Variants in GCNT2 observed in about 807,000 individuals in gnomAD.
GCNT2 encodes glucosaminyl (N-acetyl) transferase 2 (I blood group).
GCNT2 carries 34 observed loss-of-function variants against 34.2 expected under a neutral mutation model. The observed-to-expected ratio is 1.00, with a 90% CI of 0.76 to 1.32. The LOEUF (loss-of-function observed/expected upper bound fraction) is 1.32, where lower values mean the gene tolerates loss of function less well. GCNT2 is among the 40% of genes most tolerant of loss of function. The pLI is 0.00. For missense variants in GCNT2, 584 were observed against 489.4 expected, an observed-to-expected ratio of 1.19 and a Z score of -1.82; for synonymous variants, 212 against 188.0, an observed-to-expected ratio of 1.13 and a Z score of -1.04.
intron 3 of GCNT2, chr6:10,574,868 C>T (rs1039611774): frequency 2.9e-6 from 2 of 695,912 alleles, no homozygotes; most frequent in Non-Finnish European, 5.4e-6. Flanking sequence ...GCACCTTTCT[C>T]TTTGTCTTCT....
intron 3 of GCNT2, among the ~76,000 whole-genome samples, chr6:10,611,217 G>A (rs561448943): frequency 6.9e-6 from 1 of 145,608 alleles, no homozygotes; most frequent in African/African-American, 2.5e-5. Context: ...GGAGAGCCAT[G>A]TCTATTTGAA....
At chr6:10,612,147 C>T (rs921802098) in intron 3 of GCNT2, among the ~76,000 whole-genome samples, 20 of 151,962 alleles carry the variant, frequency 1.3e-4, no homozygotes, top group Non-Finnish European at 1.9e-4. Flanking sequence ...CCACCACGCC[C>T]GGCTAATTTT....
At chr6:10,540,917 G>C (rs1327340815) in intron 3 of GCNT2, among the ~76,000 whole-genome samples, 1 of 152,084 alleles carries the variant, frequency 6.6e-6, no homozygotes, top group African/African-American at 2.4e-5. Flanking sequence ...TTGGGAGTGT[G>C]GTCTGCCTTT....
chr6:10,584,294 T>C (rs1214842999), intron 3 of GCNT2, among the ~76,000 whole-genome samples: 1 of 152,212 alleles, frequency 6.6e-6, no homozygotes, highest in African/African-American at 2.4e-5. Flanking sequence ...TATTTAACTT[T>C]ACATAAACAT....
chr6:10,556,350 A>T, intron 3 of GCNT2: 1 of 1,605,336 alleles, frequency 6.2e-7, no homozygotes, highest in African/African-American at 1.3e-5. Flanking sequence ...ATAAGAACTC[A>T]GAGAAACGAG....
chr6:10,580,456 T>G (rs1434379356), intron 3 of GCNT2, among the ~76,000 whole-genome samples: 4 of 152,178 alleles, frequency 2.6e-5, no homozygotes, highest in African/African-American at 7.2e-5. Flanking sequence ...GTGTGATGAT[T>G]ATTTTGGTTG....
rs971238737 is a variant in GCNT2, at chr6:10,627,707, T to C, written c.*1100T>C. On this transcript the variant is annotated 3_prime_UTR_variant, in exon 5 of 5. Transcript: ENST00000495262. ...AAAGGAAACATAAGAGCTTTTTCAC[T>C]CTAAAAATCTTGGCAATAATGTCAA... The C allele has an allele frequency of 6.6e-6, 1 of 152,186 alleles. No individual in the cohort carries two copies. Among genetic ancestry groups the C allele is most frequent in the African/African-American group, 2.4e-5 (1 of 41,432 alleles). The allele number at this position is 152,186 out of a possible 1,614,324, so 9.4% of individuals were successfully genotyped here.
At chr6:10,570,334 T>C (rs956869381) in intron 3 of GCNT2, among the ~76,000 whole-genome samples, 4 of 152,232 alleles carry the variant, frequency 2.6e-5, no homozygotes, top group Non-Finnish European at 5.9e-5. Context: ...ACCACATTTC[T>C]GGAGAATGGA....
At chr6:10,610,600 G>C (rs1765507526) in intron 3 of GCNT2, among the ~76,000 whole-genome samples, 1 of 152,110 alleles carries the variant, frequency 6.6e-6, no homozygotes, top group Non-Finnish European at 1.5e-5. Context: ...AAGGCATTTA[G>C]GCTGCTACTG....
At chr6:10,535,984 A>G (rs1361163097) in intron 3 of GCNT2, among the ~76,000 whole-genome samples, 2 of 152,148 alleles carry the variant, frequency 1.3e-5, no homozygotes, top group Non-Finnish European at 2.9e-5. Context: ...TATTTCCTGT[A>G]GAGTCCATAC....
intron 2 of GCNT2, among the ~76,000 whole-genome samples, chr6:10,527,873 A>G (rs1761276220): frequency 6.6e-6 from 1 of 152,094 alleles, no homozygotes; most frequent in African/African-American, 2.4e-5. Flanking sequence ...TTTTTTACAG[A>G]TTAAAAAAAA....
chr6:10,580,732 C>T (rs1352137478), intron 3 of GCNT2, among the ~76,000 whole-genome samples: 2 of 152,176 alleles, frequency 1.3e-5, no homozygotes, highest in Non-Finnish European at 2.9e-5. Flanking sequence ...CCGGCATCTG[C>T]CTCAGCCTTT....
chr6:10,573,238 G>A (rs1313401442), intron 3 of GCNT2: 26 of 984,496 alleles, frequency 2.6e-5, no homozygotes, highest in South Asian at 4.7e-5. Context: ...CCTCGGATGC[G>A]ACATTCGGAA....
intron 3 of GCNT2, among the ~76,000 whole-genome samples, chr6:10,604,069 T>G (rs951112665): frequency 6.6e-6 from 1 of 151,926 alleles, no homozygotes; most frequent in Non-Finnish European, 1.5e-5. Context: ...CTAATTTTTT[T>G]GTATTTTAGT....
intron 3 of GCNT2, chr6:10,586,927 T>A (rs1372063566): frequency 6.3e-7 from 1 of 1,579,750 alleles, no homozygotes; most frequent in South Asian, 1.1e-5. Context: ...AGGTACTAAT[T>A]TCCATTCTGA....
At position 10,554,994 on chromosome 6, in the gene GCNT2, A is replaced by G. The variant is rs147014595; in HGVS notation, c.925+25158A>G. Among the ~76,000 whole-genome samples, 1,091 of 152,346 alleles carry G rather than the reference A, an allele frequency of 7.2e-3. 7 individuals are homozygous for G. Among genetic ancestry groups the G allele is most frequent in the South Asian group, 0.023 (112 of 4,830 alleles). On this transcript the variant is annotated intron_variant, in intron 3 of 4. Coordinates refer to ENST00000495262, the MANE Select transcript of GCNT2 (RefSeq NM_145649.5). ...TGCCCCTGAATCCCAGGAGGGTAGC[A>G]CTTGCTTTCCTGCCCATTGTGAAGG... is the stretch of plus-strand genomic sequence containing the variant.
At position 10,593,864 on chromosome 6, in the gene GCNT2, G is replaced by A. The variant is rs140096291; in HGVS notation, c.926-27487G>A. The stretch of plus-strand genomic sequence containing the variant: ...TCTCCTTCCATCCTCCTTTGTTTGA[G>A]CCCACATGCTATCAGGTAAACGACT... On this transcript the variant is annotated intron_variant, in intron 3 of 4. Transcript: ENST00000495262. Among the ~76,000 whole-genome samples the A allele has an allele frequency of 5.3e-5, 8 of 152,122 alleles. No individual in the cohort carries two copies. In the East Asian group the frequency reaches 1.5e-3, roughly 29 times the overall value.
rs1286019639 is a variant in GCNT2, at chr6:10,529,010, T to G, written c.99T>G (p.Arg33=). The change falls in exon 3 of 5, where the codon CGT becomes CGG. Residue 33 remains arginine, a synonymous_variant. Transcript: ENST00000495262. ...VYNTELWENK[R]FLRAALSNAS... is the part of the protein sequence containing the mutation. ...ATACTGAGTTATGGGAGAATAAACG[T>G]TTTCTGAGGGCAGCTCTGTCCAATG... 1.2e-6 allele frequency: 2 copies of G among 1,614,038 alleles called. No homozygotes were observed. Among genetic ancestry groups the G allele is most frequent in the East Asian group, 2.2e-5 (1 of 44,880 alleles).
intron 3 of GCNT2, among the ~76,000 whole-genome samples, chr6:10,594,741 G>A (rs1402448031): frequency 6.6e-6 from 1 of 152,200 alleles, no homozygotes; most frequent in Non-Finnish European, 1.5e-5. Context: ...ACTATAGAAG[G>A]ATGTCTATGC....
Sources: allele counts gnomAD v4.1 joint callset (sites outside exome capture counted in the v4.1 genomes callset), GRCh38; gene constraint gnomAD v4.1.1; transcripts MANE v1.5; gene names NCBI Gene and HGNC (gene_info 2026-07-23, HGNC 2026-07-21).